Variants in MASP2 observed in about 807,000 individuals in gnomAD.
MASP2 encodes the protein MBL associated serine protease 2, also known as mannan-binding lectin serine protease 2.
A neutral mutation model predicts 57.1 loss-of-function variants in MASP2; 49 were observed. The observed-to-expected ratio is 0.86, with a 90% CI of 0.68 to 1.09. MASP2 has a LOEUF of 1.09. MASP2 is among the 50% of genes least tolerant of loss of function. The probability of loss-of-function intolerance (pLI) is 0.00; values close to 1 mark genes in which losing one functional copy is unlikely to be tolerated. For synonymous variants in MASP2, 379 were observed against 340.8 expected (o/e 1.11, Z -1.24); for missense variants, 900 against 874.8 (o/e 1.03, Z -0.36).
chr1:11,035,445 T>C (rs1643879809), intron 7 of MASP2, among the ~76,000 whole-genome samples: 1 of 152,038 alleles, frequency 6.6e-6, no homozygotes, highest in South Asian at 2.1e-4. Context: ...GAGAATTGCT[T>C]GAACCTGTGA....
intron 6 of MASP2, among the ~76,000 whole-genome samples, chr1:11,040,377 G>A (rs369268753): frequency 2.0e-3 from 27 of 13,674 alleles, no homozygotes; most frequent in African/African-American, 8.4e-3. Flanking sequence ...GCTGAGGCAG[G>A]AGACTTGCTT....
chr1:11,034,952 A>G, intron 7 of MASP2, 46 bp from the exon 8 acceptor site: 1 of 1,352,442 alleles, frequency 7.4e-7, no homozygotes, highest in South Asian at 1.3e-5. Context: ...TTATATCATA[A>G]AATCACTCCC....
chr1:11,028,904 G>A (rs1260513841), intron 10 of MASP2, among the ~76,000 whole-genome samples: 1 of 148,884 alleles, frequency 6.7e-6, no homozygotes, highest in Non-Finnish European at 1.5e-5. Flanking sequence ...TAATAGAGAT[G>A]GGGTTTCACC....
intron 4 of MASP2, chr1:11,045,108 G>A (rs911113678): frequency 1.4e-4 from 109 of 795,336 alleles, no homozygotes; most frequent in Non-Finnish European, 2.1e-4. Context: ...CCCAAGGAAC[G>A]AGGGCTAGAT....
intron 7 of MASP2, among the ~76,000 whole-genome samples, 168 bp from the exon 8 acceptor site, chr1:11,035,074 T>C (rs923038027): frequency 1.4e-4 from 21 of 152,280 alleles, no homozygotes; most frequent in South Asian, 6.2e-4. Flanking sequence ...GGGGGATGCC[T>C]GGCACATGGA....
chr1:11,030,403 G>A, intron 9 of MASP2, 153 bp from the exon 10 acceptor site: 1 of 613,710 alleles, frequency 1.6e-6, no homozygotes, highest in East Asian at 2.8e-5. Flanking sequence ...TAAATAGGAG[G>A]TCTCTGCATT....
Position 11,046,940 on chromosome 1 carries a change from G to T in MASP2, c.185C>A (p.Thr62Asn), listed in dbSNP as rs185746604. ...PPGYRLRLYF[T>N]HFDLELSHLC... ...GTGGGAGAGCTCCAGGTCGAAGTGG[G>T]TGAAGTAGAGGCGCAGGCGGTAGCC... The change falls in exon 2 of 11, where the codon ACC becomes AAC. Residue 62 changes from threonine to asparagine, a missense_variant. By Grantham distance (65) the Thr-to-Asn change is moderately conservative. Coordinates refer to ENST00000400897, the MANE Select transcript of MASP2 (RefSeq NM_006610.4). 1 of 1,571,748 alleles carries T rather than the reference G, an allele frequency of 6.4e-7. No individual in the cohort carries two copies. The highest frequency in any genetic ancestry group is 1.9e-5 in the Admixed American group (1 of 53,522).
chr1:11,028,009 G>A (rs1643768923), intron 10 of MASP2, among the ~76,000 whole-genome samples: 1 of 152,102 alleles, frequency 6.6e-6, no homozygotes, highest in South Asian at 2.1e-4. Context: ...ATCACCTGAG[G>A]TCAGGAGTTT....
At position 11,045,443 on chromosome 1, in the gene MASP2, C is replaced by G. The variant is rs929769295; in HGVS notation, c.509G>C (p.Gly170Ala). ...GCGCTTGTTACGGTGCAGGACGTAGCCTGCGCGGCAGGAGCAGTAGAAACC... is the reference window on the plus strand; with the variant it reads ...GCGCTTGTTACGGTGCAGGACGTAGGCTGCGCGGCAGGAGCAGTAGAAACC... ...LGGFYCSCRA[G>A]YVLHRNKRTC... The change falls in exon 4 of 11, where the codon GGC (glycine) becomes GCC (alanine). Residue 170 changes from glycine to alanine, a missense_variant. Coordinates refer to ENST00000400897, the MANE Select transcript of MASP2 (RefSeq NM_006610.4). 8 of 1,613,154 alleles carry G rather than the reference C, an allele frequency of 5.0e-6. No individual in the cohort carries two copies. Among genetic ancestry groups the G allele is most frequent in the Non-Finnish European group, 6.8e-6 (8 of 1,179,986 alleles).
chr1:11,030,858 TCATC>T lies in MASP2; in HGVS notation c.1108_1111del (p.Asp370IlefsTer15), dbSNP rs746076833. 5 of 1,613,714 alleles carry T rather than the reference TCATC, an allele frequency of 3.1e-6. No individual in the cohort carries two copies. Among genetic ancestry groups the T allele is most frequent in the Non-Finnish European group, 8.5e-7 (1 of 1,179,870 alleles). On this transcript the variant is annotated frameshift_variant, in exon 9 of 11. Coordinates refer to ENST00000400897, the MANE Select transcript of MASP2 (RefSeq NM_006610.4). LOFTEE classifies it high-confidence loss of function. Reference sequence around the variant, plus strand: ...GTACTCCACTCGGCCACTGGGTAGATCATCAGGAGGGCCACAGTCAACAACTAAG... The same window carrying T: ...GTACTCCACTCGGCCACTGGGTAGATAGGAGGGCCACAGTCAACAACTAAG...
chr1:11,045,617 C>A lies in MASP2; in HGVS notation c.413-78G>T. ...CAGCCTGGACTCCTCCCAGGAGATC[C>A]ATGACCTCAGAGTGGACCTCAGAGG... On this transcript the variant is annotated intron_variant, in intron 3 of 10. Transcript: ENST00000400897. The A allele has an allele frequency of 5.4e-6, 8 of 1,484,922 alleles. No individual in the cohort carries two copies. In the South Asian group the frequency reaches 1.0e-4, roughly 19 times the overall value. 92.0% of individuals were successfully genotyped at this position (1,484,922 alleles called of 1,614,324 possible).
intron 3 of MASP2, chr1:11,045,891 C>A (rs1557677978): frequency 3.3e-6 from 1 of 305,800 alleles, no homozygotes; most frequent in African/African-American, 2.1e-5. Flanking sequence ...GAGCCACTTG[C>A]CAGAGGTCAC....
chr1:11,034,937 C>T, intron 7 of MASP2, 31 bp from the exon 8 acceptor site: 7 of 1,469,782 alleles, frequency 4.8e-6, no homozygotes, highest in Non-Finnish European at 6.6e-6. Flanking sequence ...TATTAATTTC[C>T]TTGTTTATAT....
rs201512289 is a variant in MASP2, at chr1:11,046,051, C to T, written c.412+505G>A. On this transcript the variant is annotated intron_variant, in intron 3 of 10. Coordinates refer to ENST00000400897, the MANE Select transcript of MASP2 (RefSeq NM_006610.4). ...TTTTTGAGACGGAGTCTAGCTCTGTCGCCCAGGCTGGAGTGTAGTGGTGCA... is the reference window on the plus strand; with the variant it reads ...TTTTTGAGACGGAGTCTAGCTCTGTTGCCCAGGCTGGAGTGTAGTGGTGCA... 18 of 201,164 alleles carry T rather than the reference C, an allele frequency of 8.9e-5. No homozygotes were observed. The East Asian group carries it at 2.1e-3, about 24-fold the overall frequency. The allele number at this position is 201,164 out of a possible 1,614,324, so 12.5% of individuals were successfully genotyped here. A position where few individuals can be genotyped will look rare whatever the true frequency, so the allele number is the denominator to read the frequency against.
At chr1:11,044,966 T>A in intron 4 of MASP2, 1 of 1,609,780 alleles carries the variant, frequency 6.2e-7, no homozygotes, top group South Asian at 1.1e-5. Flanking sequence ...GGAAGAGAGA[T>A]CAGAGAGGCA....
At chr1:11,046,458 G>A in intron 3 of MASP2, 98 bp downstream of exon 3, 1 of 1,390,288 alleles carries the variant, frequency 7.2e-7, no homozygotes, top group Non-Finnish European at 1.0e-6. Context: ...CCCTGGGAAA[G>A]GTGGGGAAAC....
chr1:11,046,257 C>T (rs2100907739), intron 3 of MASP2: 1 of 449,918 alleles, frequency 2.2e-6, no homozygotes, highest in Non-Finnish European at 4.1e-6. Context: ...AAATGATCAG[C>T]CAGCCTCGGC....
At chr1:11,044,768 C>CAA in intron 4 of MASP2, 2 of 1,335,148 alleles carry the variant, frequency 1.5e-6, no homozygotes, top group Admixed American at 2.2e-5. Flanking sequence ...GCCTCCCGAC[C>CAA]CTCCCACCCC....
At position 11,028,937 on chromosome 1, in the gene MASP2, T is replaced by G. The variant is rs147852480; in HGVS notation, c.1297+1239A>C. On this transcript the variant is annotated intron_variant, in intron 10 of 10. Transcript: ENST00000400897. ...ACCGTTTTAGCCAGACTGGTCTTGA[T>G]CTCCTGACCTCACGATCTGCCCGCC... is the stretch of plus-strand genomic sequence containing the variant. Among the ~76,000 whole-genome samples, 640 of 151,142 alleles carry G rather than the reference T, an allele frequency of 4.2e-3. 2 individuals carry two copies. Among genetic ancestry groups the G allele is most frequent in the Non-Finnish European group, 6.7e-3 (455 of 67,768 alleles).
Sources: gnomAD v4.1 joint callset for allele counts (sites outside exome capture counted in the v4.1 genomes callset) on GRCh38, gnomAD v4.1.1 for gene constraint, MANE v1.5 for transcripts, NCBI Gene and HGNC (gene_info 2026-07-23, HGNC 2026-07-21) for gene names.